USP15: variants seen among roughly 807,000 people sequenced by gnomAD.
The protein encoded by USP15 is ubiquitin carboxyl-terminal hydrolase 15.
A neutral mutation model predicts 127.1 loss-of-function variants in USP15; 18 were observed. The observed-to-expected ratio is 0.14, with a 90% CI of 0.10 to 0.21. The LOEUF (loss-of-function observed/expected upper bound fraction) is 0.21, where lower values mean the gene tolerates loss of function less well. Among genes scored for constraint, USP15 ranks in the 10% least tolerant of loss-of-function variants. USP15 has a pLI of 1.00. For synonymous variants in USP15, 364 were observed against 393.7 expected, an observed-to-expected ratio of 0.92 and a Z score of 0.89; for missense variants, 805 against 1,159.9, an observed-to-expected ratio of 0.69 and a Z score of 4.44.
intron 1 of USP15, among the ~76,000 whole-genome samples, chr12:62,261,357 C>T (rs1247900940): frequency 6.6e-6 from 1 of 152,168 alleles, no homozygotes; most frequent in Non-Finnish European, 1.5e-5. Flanking sequence ...TCTACAATAA[C>T]TTAAATATGT....
chr12:62,286,251 A>G (rs1401439202), intron 1 of USP15, among the ~76,000 whole-genome samples: 1 of 152,164 alleles, frequency 6.6e-6, no homozygotes, highest in Admixed American at 6.5e-5. Flanking sequence ...AAGAACACAT[A>G]CAGACAGCCA....
rs781447088 is a variant in USP15, at chr12:62,406,458, A to G, written c.*2083A>G. ...TTTCTGAAGATTTAAAGAAAAGTCA[A>G]AGCTAAATCTTTTAAACCTATATTG... On this transcript the variant is annotated 3_prime_UTR_variant, in exon 22 of 22. Transcript: ENST00000280377. 1.3e-5 allele frequency: 2 copies of G among 152,176 alleles called. No individual in the cohort carries two copies. The highest frequency in any genetic ancestry group is 2.9e-5 in the Non-Finnish European group (2 of 68,026). The allele number at this position is 152,176 out of a possible 1,614,324, so 9.4% of individuals were successfully genotyped here. A position where few individuals can be genotyped will look rare whatever the true frequency, so the allele number is the denominator to read the frequency against.
intron 1 of USP15, chr12:62,274,045 C>G (rs2063410824): frequency 6.6e-6 from 1 of 151,972 alleles, no homozygotes; most frequent in Non-Finnish European, 1.5e-5. Context: ...ATTTCTAGGT[C>G]TTTGTTAAAT....
chr12:62,311,029 G>C (rs1338706364), intron 3 of USP15, among the ~76,000 whole-genome samples: 2 of 151,868 alleles, frequency 1.3e-5, no homozygotes, highest in African/African-American at 2.4e-5. Context: ...TGTCTTTTGA[G>C]AAATGTCTAT....
In USP15 at chr12:62,401,919, CATAT is replaced by C. The variant is rs3085019; in HGVS notation, c.2763+658_2763+661del. Among the ~76,000 whole-genome samples the C allele has an allele frequency of 2.8e-3, 402 of 145,818 alleles. 1 individual carries two copies. The highest frequency in any genetic ancestry group is 2.9e-3 in the African/African-American group (116 of 39,824). ...ATGCATACATATATATGTATATATA[CATAT>C]ATATATATATATACTGTTATTTCTC... On this transcript the variant is annotated intron_variant, in intron 21 of 21. Transcript: ENST00000280377.
At chr12:62,335,709 CT>C (rs1033852017) in intron 6 of USP15, 8 of 985,278 alleles carry the variant, frequency 8.1e-6, no homozygotes, top group African/African-American at 1.8e-5. Context: ...CATCCTTAAG[CT>C]TTTTTTTCTT....
At chr12:62,338,569 G>A (rs1404832437) in intron 6 of USP15, among the ~76,000 whole-genome samples, 1 of 151,984 alleles carries the variant, frequency 6.6e-6, no homozygotes, top group African/African-American at 2.4e-5. Context: ...TGTCCTGAAT[G>A]GTATTGCCTA....
chr12:62,329,277 A>G (rs1391064724), intron 6 of USP15, among the ~76,000 whole-genome samples: 1 of 152,184 alleles, frequency 6.6e-6, no homozygotes, highest in African/African-American at 2.4e-5. Flanking sequence ...AGGCTGAGGC[A>G]GGAGAATCAC....
At chr12:62,401,320 T>G (rs374736735) in intron 21 of USP15, 45 bp downstream of exon 21, 69 of 1,462,134 alleles carry the variant, frequency 4.7e-5, no homozygotes, top group Admixed American at 7.2e-5. Context: ...ATTCACTGTC[T>G]TAAGGAGTGA....
At chr12:62,322,150 C>T (rs34684698) in intron 5 of USP15, among the ~76,000 whole-genome samples, 6,344 of 152,204 alleles carry the variant, frequency 0.042, 204 homozygotes, top group Non-Finnish European at 0.062. Flanking sequence ...TTGTTTGAGA[C>T]GGAGTCTCAC....
intron 8 of USP15, among the ~76,000 whole-genome samples, chr12:62,373,869 AAT>A (rs776304793): frequency 1.9e-4 from 29 of 152,002 alleles, no homozygotes; most frequent in Non-Finnish European, 3.1e-4. Flanking sequence ...AGTGACTTAA[AAT>A]ATATCATTTT....
intron 6 of USP15, among the ~76,000 whole-genome samples, chr12:62,344,048 C>T (rs1012700432): frequency 1.5e-4 from 23 of 151,972 alleles, no homozygotes; most frequent in African/African-American, 5.6e-4. Flanking sequence ...CTGCCCCTGG[C>T]CCCTCCCAAA....
intron 14 of USP15, 54 bp downstream of exon 14, chr12:62,390,042 A>C: frequency 7.0e-7 from 1 of 1,430,116 alleles, no homozygotes; most frequent in Non-Finnish European, 9.3e-7. Flanking sequence ...TAAAATATAA[A>C]ATAGCTAATA....
intron 1 of USP15, among the ~76,000 whole-genome samples, chr12:62,261,872 T>C (rs2063071828): frequency 1.3e-5 from 2 of 152,204 alleles, no homozygotes; most frequent in African/African-American, 4.8e-5. Context: ...GTTTGTATGA[T>C]AGAAATCCCT....
chr12:62,285,950 T>C (rs1202550136), intron 1 of USP15, among the ~76,000 whole-genome samples: 2 of 152,214 alleles, frequency 1.3e-5, no homozygotes, highest in African/African-American at 2.4e-5. Flanking sequence ...TCTGTTATCT[T>C]TTGAGCTTCT....
At chr12:62,266,129 T>C (rs1213034691) in intron 1 of USP15, among the ~76,000 whole-genome samples, 1 of 152,126 alleles carries the variant, frequency 6.6e-6, no homozygotes, top group Non-Finnish European at 1.5e-5. Flanking sequence ...GACAAAAAAA[T>C]TTGAGGTCAT....
chr12:62,304,455 A>T (rs143173584), intron 3 of USP15, among the ~76,000 whole-genome samples: 251 of 152,284 alleles, frequency 1.6e-3, no homozygotes, highest in Non-Finnish European at 3.0e-3. Context: ...AAATTTGGGA[A>T]TTTCATTTGC....
At chr12:62,391,543 A>G (rs1169083455) in intron 16 of USP15, 114 bp downstream of exon 16, 9 of 1,350,926 alleles carry the variant, frequency 6.7e-6, no homozygotes, top group African/African-American at 3.0e-5. Context: ...TTACTTTTCT[A>G]TCTCAAATTT....
At chr12:62,385,611 T>G (rs1485181467) in intron 11 of USP15, among the ~76,000 whole-genome samples, 2 of 152,066 alleles carry the variant, frequency 1.3e-5, no homozygotes, top group Non-Finnish European at 2.9e-5. Flanking sequence ...GTACTATCCC[T>G]TATCTGTGAG....
Sources: gnomAD v4.1 joint callset for allele counts (sites outside exome capture counted in the v4.1 genomes callset) on GRCh38, gnomAD v4.1.1 for gene constraint, MANE v1.5 for transcripts, NCBI Gene and HGNC (gene_info 2026-07-23, HGNC 2026-07-21) for gene names.